The following KCNH8 variants were observed in gnomAD, a reference collection of about 807,000 sequenced individuals.
KCNH8 encodes potassium voltage-gated channel subfamily H member 8, also known as voltage-gated delayed rectifier potassium channel KCNH8.
Under a neutral mutation model 103.6 loss-of-function variants are expected in KCNH8, and 70 were observed. That is an observed-to-expected ratio of 0.68 (90% CI 0.56 to 0.82). The LOEUF (loss-of-function observed/expected upper bound fraction) is 0.82. KCNH8 is among the 40% of genes least tolerant of loss of function. The pLI, the probability that KCNH8 is intolerant of heterozygous loss-of-function variation, is 0.00. For missense variants in KCNH8, 1,217 were observed against 1,329.9 expected, an observed-to-expected ratio of 0.92 and a Z score of 1.32; for synonymous variants, 498 against 489.4, an observed-to-expected ratio of 1.02 and a Z score of -0.23.
intron 5 of KCNH8, among the ~76,000 whole-genome samples, chr3:19,388,868 A>G (rs1444434627): frequency 6.6e-6 from 1 of 151,984 alleles, no homozygotes; most frequent in African/African-American, 2.4e-5. Flanking sequence ...GTTTTATCAG[A>G]TGTATCACCC....
intron 7 of KCNH8, among the ~76,000 whole-genome samples, chr3:19,409,952 TAGAC>T (rs2066752072): frequency 6.6e-6 from 1 of 151,924 alleles, no homozygotes; most frequent in African/African-American, 2.4e-5. Flanking sequence ...CGAACAGCAT[TAGAC>T]AGTTCATCAC....
intron 3 of KCNH8, among the ~76,000 whole-genome samples, chr3:19,333,615 C>T (rs1559480659): frequency 6.6e-6 from 1 of 152,120 alleles, no homozygotes; most frequent in Non-Finnish European, 1.5e-5. Flanking sequence ...TAACAATAGA[C>T]TGTTGTACAA....
At chr3:19,360,786 G>C (rs2065937822) in intron 5 of KCNH8, among the ~76,000 whole-genome samples, 3 of 151,964 alleles carry the variant, frequency 2.0e-5, no homozygotes, top group Non-Finnish European at 4.4e-5. Flanking sequence ...AAGGGCTGTA[G>C]CGTTAGGATA....
At chr3:19,374,569 C>T (rs1156990277) in intron 5 of KCNH8, among the ~76,000 whole-genome samples, 1 of 152,110 alleles carries the variant, frequency 6.6e-6, no homozygotes, top group East Asian at 1.9e-4. Context: ...GTTTGCCAGT[C>T]TGTGTCTTTT....
intron 2 of KCNH8, among the ~76,000 whole-genome samples, chr3:19,260,493 T>C (rs1388826516): frequency 2.6e-5 from 1 of 38,984 alleles, no homozygotes; most frequent in South Asian, 7.3e-4. Flanking sequence ...ATAGGATATA[T>C]ATATATATAT....
In KCNH8 at chr3:19,535,522, T is replaced by C. The variant is rs2069248259; in HGVS notation, c.*1423T>C. Reference sequence around the variant, plus strand: ...AGTCTTATTTTATGTTTTAGAACAGTTACAGTCTAATTGTCTTGGACATTT... The same window carrying C: ...AGTCTTATTTTATGTTTTAGAACAGCTACAGTCTAATTGTCTTGGACATTT... On this transcript the variant is annotated 3_prime_UTR_variant, in exon 16 of 16. Coordinates refer to ENST00000328405, the MANE Select transcript of KCNH8 (RefSeq NM_144633.3). 2 of 152,212 alleles carry C rather than the reference T, an allele frequency of 1.3e-5. No homozygotes were observed. The highest frequency in any genetic ancestry group is 2.9e-5 in the Non-Finnish European group (2 of 68,036). 9.4% of individuals were successfully genotyped at this position (152,212 alleles called of 1,614,324 possible).
intron 7 of KCNH8, among the ~76,000 whole-genome samples, chr3:19,407,346 C>A (rs2066707549): frequency 6.6e-6 from 1 of 152,102 alleles, no homozygotes; most frequent in African/African-American, 2.4e-5. Flanking sequence ...AATTTATCTG[C>A]TAGAGGGATT....
chr3:19,210,638 A>G (rs1193111598), intron 1 of KCNH8, among the ~76,000 whole-genome samples: 1 of 152,160 alleles, frequency 6.6e-6, no homozygotes, highest in Admixed American at 6.6e-5. Context: ...GACACATTGT[A>G]AAATGGCTGC....
chr3:19,299,321 G>C (rs2065034864), intron 3 of KCNH8, among the ~76,000 whole-genome samples: 1 of 151,904 alleles, frequency 6.6e-6, no homozygotes, highest in African/African-American at 2.4e-5. Flanking sequence ...CACAGTGTCT[G>C]ATGTGCTCCT....
chr3:19,226,623 G>GCACACACACACACACACACACA lies in KCNH8; in HGVS notation c.77-27010_77-27009insACACACACACACACACACACAC, dbSNP rs146546353. 8.2e-5 allele frequency among the ~76,000 whole-genome samples: 12 copies of GCACACACACACACACACACACA among 145,738 alleles called. 1 individual carries two copies. Among genetic ancestry groups the GCACACACACACACACACACACA allele is most frequent in the African/African-American group, 3.0e-4 (12 of 39,620 alleles). Reference sequence around the variant, plus strand: ...CTCTGTCACACACACACACATGCATGCACACACACACACACACACACGGGA... The same window carrying GCACACACACACACACACACACA: ...CTCTGTCACACACACACACATGCATGCACACACACACACACACACACACACACACACACACACACACACGGGA... On this transcript the variant is annotated intron_variant, in intron 1 of 15. Transcript: ENST00000328405.
At chr3:19,423,065 C>T (rs2066974114) in intron 7 of KCNH8, among the ~76,000 whole-genome samples, 2 of 152,036 alleles carry the variant, frequency 1.3e-5, no homozygotes, top group South Asian at 4.2e-4. Flanking sequence ...ATTATTATCT[C>T]AACACCAGCA....
chr3:19,364,258 C>T (rs1006202908), intron 5 of KCNH8, among the ~76,000 whole-genome samples: 2 of 152,080 alleles, frequency 1.3e-5, no homozygotes, highest in Non-Finnish European at 2.9e-5. Flanking sequence ...AAGCCTTAAG[C>T]GTGTTGAGGA....
chr3:19,412,727 A>AT (rs1409327909), intron 7 of KCNH8, among the ~76,000 whole-genome samples: 8 of 152,094 alleles, frequency 5.3e-5, no homozygotes, highest in Non-Finnish European at 8.8e-5. Flanking sequence ...AAAGACATGA[A>AT]TAGGCACTTG....
intron 11 of KCNH8, among the ~76,000 whole-genome samples, chr3:19,501,094 TATC>T (rs2068572656): frequency 1.3e-5 from 2 of 151,922 alleles, no homozygotes; most frequent in South Asian, 4.2e-4. Context: ...ATAAAGGGGA[TATC>T]ACCACCGATC....
At chr3:19,243,949 T>G (rs1265746983) in intron 1 of KCNH8, among the ~76,000 whole-genome samples, 2 of 152,182 alleles carry the variant, frequency 1.3e-5, no homozygotes, top group African/African-American at 4.8e-5. Context: ...TTTGCTAGAT[T>G]CCACTTAACT....
intron 7 of KCNH8, among the ~76,000 whole-genome samples, chr3:19,432,220 A>G (rs919247445): frequency 6.6e-6 from 1 of 152,162 alleles, no homozygotes; most frequent in Non-Finnish European, 1.5e-5. Context: ...ATTTTTGGAA[A>G]AAAACGTGAT....
At chr3:19,427,609 A>G (rs1417301579) in intron 7 of KCNH8, among the ~76,000 whole-genome samples, 1 of 152,208 alleles carries the variant, frequency 6.6e-6, no homozygotes, top group Non-Finnish European at 1.5e-5. Context: ...AAAGAGTTCT[A>G]TTCCTAGAAA....
At chr3:19,487,955 A>T (rs1193199079) in intron 11 of KCNH8, among the ~76,000 whole-genome samples, 1 of 152,160 alleles carries the variant, frequency 6.6e-6, no homozygotes, top group Non-Finnish European at 1.5e-5. Context: ...TTTCTCGGGT[A>T]AGGGGGTGAC....
At chr3:19,496,457 GTTTT>G (rs372678594) in intron 11 of KCNH8, among the ~76,000 whole-genome samples, 1 of 152,060 alleles carries the variant, frequency 6.6e-6, no homozygotes, top group African/African-American at 2.4e-5. Context: ...ATAATCATGG[GTTTT>G]TTATTTCAGT....
Sources: allele counts gnomAD v4.1 joint callset (sites outside exome capture counted in the v4.1 genomes callset), GRCh38; gene constraint gnomAD v4.1.1; transcripts MANE v1.5; gene names NCBI Gene and HGNC (gene_info 2026-07-23, HGNC 2026-07-21).